Variants in SCHIP1 observed in about 807,000 individuals in gnomAD.
SCHIP1 encodes schwannomin interacting protein 1, also known as schwannomin-interacting protein 1.
In SCHIP1, 8 loss-of-function variants were observed where a neutral mutation model predicts 29.7. The observed-to-expected ratio is 0.27, with a 90% CI of 0.16 to 0.49. The LOEUF (loss-of-function observed/expected upper bound fraction) is 0.49. Among genes scored for constraint, SCHIP1 ranks in the 20% least tolerant of loss-of-function variants. The pLI, the probability that SCHIP1 is intolerant of heterozygous loss-of-function variation, is 0.99. For synonymous variants in SCHIP1, 76 were observed against 94.9 expected (o/e 0.80, Z 1.16); for missense variants, 193 against 294.6 (o/e 0.66, Z 2.52).
the SCHIP1 span, among the ~76,000 whole-genome samples, chr3:159,338,713 A>G: frequency 6.6e-6 from 1 of 152,290 alleles, no homozygotes; most frequent in African/African-American, 2.4e-5. Context: ...CAGTGGAAAC[A>G]TGAATCCAGC....
the SCHIP1 span, among the ~76,000 whole-genome samples, chr3:159,503,432 C>T: frequency 6.6e-6 from 1 of 152,130 alleles, no homozygotes; most frequent in Non-Finnish European, 1.5e-5. Flanking sequence ...ATATTGCTTT[C>T]ATATTTATAC....
At chr3:159,651,922 G>A in the SCHIP1 span, among the ~76,000 whole-genome samples, 1 of 152,028 alleles carries the variant, frequency 6.6e-6, no homozygotes, top group South Asian at 2.1e-4. Flanking sequence ...CGGTGAAACC[G>A]CATCTTTATT....
the SCHIP1 span, among the ~76,000 whole-genome samples, chr3:159,338,503 G>A: frequency 1.3e-5 from 2 of 152,006 alleles, no homozygotes; most frequent in Non-Finnish European, 2.9e-5. Context: ...AACCTTATAA[G>A]CCACTTTAAT....
chr3:159,708,317 C>T, the SCHIP1 span, among the ~76,000 whole-genome samples: 1 of 152,272 alleles, frequency 6.6e-6, no homozygotes, highest in East Asian at 1.9e-4. Context: ...GGATCCTTTC[C>T]TCCAAGGCCA....
the SCHIP1 span, among the ~76,000 whole-genome samples, chr3:159,424,412 A>C: frequency 2.0e-5 from 3 of 152,218 alleles, no homozygotes. Flanking sequence ...TCAGGAGCTG[A>C]TGTGATCAAC....
At chr3:159,565,667 TG>T in the SCHIP1 span, among the ~76,000 whole-genome samples, 21,029 of 152,232 alleles carry the variant, frequency 0.14, 1,520 homozygotes, top group Middle Eastern at 0.21. Flanking sequence ...AATAGCCAGA[TG>T]TTTTTTTGTG....
At chr3:159,528,649 G>A in the SCHIP1 span, among the ~76,000 whole-genome samples, 34 of 152,164 alleles carry the variant, frequency 2.2e-4, no homozygotes, top group African/African-American at 2.9e-4. Context: ...AGAACAGTTC[G>A]TTTTTTGGGC....
chr3:159,626,263 G>GATATATCTATCTAT, the SCHIP1 span, among the ~76,000 whole-genome samples: 1 of 115,334 alleles, frequency 8.7e-6, no homozygotes, highest in African/African-American at 3.6e-5. Flanking sequence ...TAGATAGATA[G>GATATATCTATCTAT]ATAGATAGAT....
At chr3:159,665,191 C>T in the SCHIP1 span, among the ~76,000 whole-genome samples, 3 of 152,212 alleles carry the variant, frequency 2.0e-5, no homozygotes, top group East Asian at 1.9e-4. Context: ...CTGGTTCAGA[C>T]TAAAGTTTCA....
At chr3:159,793,031 A>G in the SCHIP1 span, among the ~76,000 whole-genome samples, 1 of 152,140 alleles carries the variant, frequency 6.6e-6, no homozygotes, top group Admixed American at 6.5e-5. Context: ...GTTTGCAACC[A>G]GTGTATTTTT....
the SCHIP1 span, among the ~76,000 whole-genome samples, chr3:159,594,857 T>C: frequency 6.6e-6 from 1 of 152,236 alleles, no homozygotes; most frequent in African/African-American, 2.4e-5. Flanking sequence ...GGTTGTTCAC[T>C]TAATTGACTA....
chr3:159,288,798 C>T, the SCHIP1 span, among the ~76,000 whole-genome samples: 4 of 152,190 alleles, frequency 2.6e-5, no homozygotes, highest in Non-Finnish European at 4.4e-5. Context: ...ATGAAGCAAC[C>T]TCAAAATCTG....
chr3:159,286,507 T>A, the SCHIP1 span, among the ~76,000 whole-genome samples: 2 of 152,220 alleles, frequency 1.3e-5, no homozygotes, highest in African/African-American at 4.8e-5. Context: ...GTGTTTTTGC[T>A]GTTGTGAATA....
At chr3:159,472,267 A>T in the SCHIP1 span, among the ~76,000 whole-genome samples, 2 of 152,208 alleles carry the variant, frequency 1.3e-5, no homozygotes, top group African/African-American at 4.8e-5. Context: ...AAGACAGAAG[A>T]TACTATTTAA....
the SCHIP1 span, among the ~76,000 whole-genome samples, chr3:159,539,498 T>C: frequency 1.5e-5 from 2 of 136,354 alleles, 1 homozygote; most frequent in Non-Finnish European, 3.3e-5. Flanking sequence ...AAGGAACCGC[T>C]GGATGTTAGT....
the SCHIP1 span, among the ~76,000 whole-genome samples, chr3:159,375,196 G>A: frequency 6.6e-6 from 1 of 152,142 alleles, no homozygotes; most frequent in African/African-American, 2.4e-5. Context: ...AGATCAATAA[G>A]TAAACAAGCA....
At chr3:159,811,321 C>T in the SCHIP1 span, among the ~76,000 whole-genome samples, 3,682 of 152,200 alleles carry the variant, frequency 0.024, 67 homozygotes, top group Middle Eastern at 0.099. Context: ...TTCAGTTTTT[C>T]CTTTCATGGA....
At chr3:159,517,061 TG>T in the SCHIP1 span, among the ~76,000 whole-genome samples, 1 of 152,180 alleles carries the variant, frequency 6.6e-6, no homozygotes. Flanking sequence ...CTTTCTCAGG[TG>T]GCGTATCAGC....
At chr3:159,776,890 G>A in the SCHIP1 span, among the ~76,000 whole-genome samples, 1 of 152,162 alleles carries the variant, frequency 6.6e-6, no homozygotes, top group African/African-American at 2.4e-5. Flanking sequence ...AAACGCGGAT[G>A]CTTCCAGAGG....
Sources: allele counts gnomAD v4.1 joint callset (sites outside exome capture counted in the v4.1 genomes callset), GRCh38; gene constraint gnomAD v4.1.1; transcripts MANE v1.5; gene names NCBI Gene and HGNC (gene_info 2026-07-23, HGNC 2026-07-21).